Variants in TEX9 observed in about 807,000 individuals in gnomAD.
The protein encoded by TEX9 is testis-expressed protein 9.
TEX9 carries 74 observed loss-of-function variants against 59.6 expected under a neutral mutation model. The ratio of observed to expected loss-of-function variants is 1.24; its 90% CI spans 1.03 to 1.51. The LOEUF (loss-of-function observed/expected upper bound fraction) is 1.51, where lower values mean the gene tolerates loss of function less well. Ranked by LOEUF, TEX9 falls within the 40% of genes most tolerant of loss-of-function variation. TEX9 has a pLI of 0.00. For missense variants in TEX9, 522 were observed against 447.8 expected, an observed-to-expected ratio of 1.17 and a Z score of -1.49; for synonymous variants, 186 against 152.2, an observed-to-expected ratio of 1.22 and a Z score of -1.64.
rs1263912682 is a variant in TEX9 at position 56,298,396 on chromosome 15, A to G, written c.-107+54118A>G. Among the ~76,000 whole-genome samples, 6 of 152,348 alleles carry G rather than the reference A, an allele frequency of 3.9e-5. No individual in the cohort carries two copies. In the East Asian group the frequency reaches 9.6e-4, roughly 24 times the overall value. On this transcript the variant is annotated intron_variant, in intron 1 of 5. Transcript: ENST00000560827. ...GATTAGTTAGAAATCTAAATTGTATACTAGCTTTTAAATAGCTTAGTATTC... is the reference window on the plus strand; with the variant it reads ...GATTAGTTAGAAATCTAAATTGTATGCTAGCTTTTAAATAGCTTAGTATTC...
At chr15:56,429,206 T>C (rs766600202) in intron 12 of TEX9, 1 of 1,543,364 alleles carries the variant, frequency 6.5e-7, no homozygotes, top group South Asian at 1.2e-5. Flanking sequence ...ACGAGAAAAA[T>C]ACTTTGTGGG....
At chr15:56,418,799 A>G (rs2049827612) in intron 10 of TEX9, among the ~76,000 whole-genome samples, 1 of 152,038 alleles carries the variant, frequency 6.6e-6, no homozygotes, top group African/African-American at 2.4e-5. Flanking sequence ...TGCAACTGCA[A>G]TAAATGCTGT....
intron 1 of TEX9, among the ~76,000 whole-genome samples, chr15:56,280,797 A>G (rs544588462): frequency 6.6e-6 from 1 of 152,344 alleles, no homozygotes; most frequent in Admixed American, 6.5e-5. Context: ...GCCAGATTTT[A>G]TGCCTAAGAC....
At chr15:56,294,504 T>G (rs1177178205) in intron 1 of TEX9, among the ~76,000 whole-genome samples, 2 of 152,232 alleles carry the variant, frequency 1.3e-5, no homozygotes, top group Non-Finnish European at 2.9e-5. Context: ...GTACTGTTTT[T>G]ATCTCTGGCC....
At chr15:56,269,648 C>G (rs959678598) in intron 1 of TEX9, among the ~76,000 whole-genome samples, 2 of 142,750 alleles carry the variant, frequency 1.4e-5, no homozygotes, top group South Asian at 4.4e-4. Flanking sequence ...AGTTTCTTTT[C>G]TTTTCTTTTT....
chr15:56,406,888 C>G lies in TEX9; in HGVS notation c.829-5414C>G, dbSNP rs148874227. ...ATCCGACTTGGATTTATTTTCTCAA[C>G]AGTGTGTTTCAAAAGACAGCAGTTT... On this transcript the variant is annotated intron_variant, in intron 9 of 12. Coordinates refer to ENST00000352903, the Ensembl canonical transcript of TEX9. 1.9e-3 allele frequency among the ~76,000 whole-genome samples: 295 copies of G among 152,198 alleles called. 2 individuals carry two copies. Among genetic ancestry groups the G allele is most frequent in the African/African-American group, 6.6e-3 (275 of 41,548 alleles).
At chr15:56,309,625 G>T (rs1392019979) in intron 1 of TEX9, among the ~76,000 whole-genome samples, 1 of 142,232 alleles carries the variant, frequency 7.0e-6, no homozygotes, top group East Asian at 2.2e-4. Context: ...AGAAAGATTG[G>T]TGTTAATTCT....
intron 1 of TEX9, among the ~76,000 whole-genome samples, chr15:56,293,623 A>C (rs1212024908): frequency 6.6e-6 from 1 of 152,186 alleles, no homozygotes; most frequent in Non-Finnish European, 1.5e-5. Flanking sequence ...TTTGGGCCGC[A>C]GGGTATCAGT....
chr15:56,292,569 A>G lies in TEX9; in HGVS notation c.-107+48291A>G, dbSNP rs2045120940. ...CACCAGGGCAAACCTAGACCACTGG[A>G]AATGTTTGTCAATGGGGAGGGGAAT... On this transcript the variant is annotated intron_variant, in intron 1 of 5. Transcript: ENST00000560827. Among the ~76,000 whole-genome samples, 3 of 152,262 alleles carry G rather than the reference A, an allele frequency of 2.0e-5. 1 individual carries two copies. Among genetic ancestry groups the G allele is most frequent in the South Asian group, 4.2e-4 (2 of 4,818 alleles).
At chr15:56,412,938 A>T (rs1457288099) in intron 10 of TEX9, among the ~76,000 whole-genome samples, 1 of 152,082 alleles carries the variant, frequency 6.6e-6, no homozygotes, top group Non-Finnish European at 1.5e-5. Context: ...AGGCCTGAGA[A>T]ATTGCACTTT....
chr15:56,446,334 C>T (rs879279385), downstream of TEX9, among the ~76,000 whole-genome samples: 10 of 151,922 alleles, frequency 6.6e-5, no homozygotes, highest in Non-Finnish European at 1.0e-4. Flanking sequence ...GTGAGTATGC[C>T]TGAGATTCCT....
At chr15:56,389,211 C>G (rs1361765155) in intron 5 of TEX9, 107 bp from the exon 6 acceptor site, 1 of 820,470 alleles carries the variant, frequency 1.2e-6, no homozygotes, top group Non-Finnish European at 2.0e-6. Flanking sequence ...ATGAAAATAG[C>G]AAATAGCAGT....
chr15:56,415,635 G>C (rs1159409763), intron 10 of TEX9, among the ~76,000 whole-genome samples: 2 of 151,824 alleles, frequency 1.3e-5, no homozygotes, highest in African/African-American at 4.9e-5. Context: ...TGCTGTTTTG[G>C]TTATTGTAGA....
At chr15:56,313,120 A>C (rs1323363247) in intron 1 of TEX9, among the ~76,000 whole-genome samples, 2 of 151,500 alleles carry the variant, frequency 1.3e-5, no homozygotes, top group African/African-American at 4.9e-5. Flanking sequence ...CTCTTTTCCT[A>C]ATTGAATACC....
At chr15:56,414,403 C>T (rs1452179283) in intron 10 of TEX9, among the ~76,000 whole-genome samples, 2 of 151,546 alleles carry the variant, frequency 1.3e-5, no homozygotes, top group Non-Finnish European at 2.9e-5. Context: ...CCACCTTCCC[C>T]ACTTCAAGTA....
At chr15:56,425,022 T>G (rs1260019702) in intron 10 of TEX9, among the ~76,000 whole-genome samples, 1 of 152,100 alleles carries the variant, frequency 6.6e-6, no homozygotes, top group Non-Finnish European at 1.5e-5. Flanking sequence ...GGATGTAGTA[T>G]TCTTCTAGGT....
At chr15:56,437,773 G>C (rs1229103151) in intron 12 of TEX9, among the ~76,000 whole-genome samples, 4 of 152,122 alleles carry the variant, frequency 2.6e-5, no homozygotes, top group Admixed American at 2.6e-4. Context: ...CAAAGTCTCA[G>C]GATACAAAAT....
At chr15:56,379,840 T>G (rs1457011461) in intron 3 of TEX9, among the ~76,000 whole-genome samples, 1 of 147,214 alleles carries the variant, frequency 6.8e-6, no homozygotes, top group African/African-American at 2.5e-5. Flanking sequence ...TTATTTTGTC[T>G]AAGTATAGGT....
intron 2 of TEX9, among the ~76,000 whole-genome samples, chr15:56,369,531 C>T (rs1309794781): frequency 1.3e-5 from 2 of 151,954 alleles, no homozygotes; most frequent in African/African-American, 2.4e-5. Context: ...GATGGGGTTT[C>T]GTCATGTTGC....
Sources: gnomAD v4.1 joint callset for allele counts (sites outside exome capture counted in the v4.1 genomes callset) on GRCh38, gnomAD v4.1.1 for gene constraint, MANE v1.5 for transcripts, NCBI Gene and HGNC (gene_info 2026-07-23, HGNC 2026-07-21) for gene names.